NFIA: variants seen among roughly 807,000 people sequenced by gnomAD.
NFIA encodes the protein nuclear factor 1 A-type.
Under a neutral mutation model 62.8 loss-of-function variants are expected in NFIA, and 8 were observed. The observed-to-expected ratio is 0.13, with a 90% CI of 0.07 to 0.23. The LOEUF (loss-of-function observed/expected upper bound fraction) is 0.23, where lower values mean the gene tolerates loss of function less well. Ranked by LOEUF, NFIA falls within the 10% of genes least tolerant of loss-of-function variation. The pLI is 1.00. For synonymous variants in NFIA, 235 were observed against 238.1 expected, an observed-to-expected ratio of 0.99 and a Z score of 0.12; for missense variants, 410 against 642.1, an observed-to-expected ratio of 0.64 and a Z score of 3.91.
At chr1:61,332,742 T>TTTAAATCAGGAAAAA (rs1661363510) in intron 4 of NFIA, among the ~76,000 whole-genome samples, 156 bp downstream of exon 4, 2 of 152,176 alleles carry the variant, frequency 1.3e-5, no homozygotes, top group African/African-American at 4.8e-5. Context: ...CAACCAAGAA[T>TTTAAATCAGGAAAAA]TTAAATCAGG....
chr1:61,352,408 C>G (rs768974631), intron 4 of NFIA, 42 bp from the exon 5 acceptor site: 8 of 1,384,434 alleles, frequency 5.8e-6, no homozygotes, highest in Non-Finnish European at 8.2e-6. Flanking sequence ...ATTTTTTTAT[C>G]CACAGAATTT....
chr1:61,313,979 T>C (rs917928443), intron 3 of NFIA, among the ~76,000 whole-genome samples: 4 of 152,246 alleles, frequency 2.6e-5, no homozygotes, highest in Non-Finnish European at 5.9e-5. Flanking sequence ...CATAACACTT[T>C]GAAAATTACA....
intron 2 of NFIA, among the ~76,000 whole-genome samples, chr1:61,168,977 A>G (rs902697846): frequency 2.0e-5 from 3 of 152,208 alleles, no homozygotes; most frequent in Non-Finnish European, 4.4e-5. Context: ...GCTATATAAA[A>G]CAAAGAACAA....
At chr1:61,125,567 G>A (rs979489692) in intron 2 of NFIA, among the ~76,000 whole-genome samples, 3 of 152,176 alleles carry the variant, frequency 2.0e-5, no homozygotes, top group African/African-American at 7.2e-5. Context: ...ATAGGGACTC[G>A]TGTGTGGGGA....
At chr1:61,184,108 G>C (rs1296765282) in intron 2 of NFIA, among the ~76,000 whole-genome samples, 2 of 144,264 alleles carry the variant, frequency 1.4e-5, no homozygotes, top group Non-Finnish European at 3.0e-5. Flanking sequence ...AAGGTTTATG[G>C]GGGGGGGAAA....
intron 2 of NFIA, among the ~76,000 whole-genome samples, chr1:61,190,906 TGAG>T (rs1651568556): frequency 6.6e-6 from 1 of 152,192 alleles, no homozygotes; most frequent in South Asian, 2.1e-4. Context: ...GTTTTTAAAT[TGAG>T]GTTTGTAGTT....
intron 2 of NFIA, among the ~76,000 whole-genome samples, chr1:61,197,628 G>A (rs1456097191): frequency 1.3e-5 from 2 of 152,032 alleles, no homozygotes; most frequent in African/African-American, 4.8e-5. Context: ...AATATTGCAT[G>A]GTTTGGCTAA....
intron 2 of NFIA, among the ~76,000 whole-genome samples, chr1:61,243,388 T>G (rs1174659082): frequency 6.6e-6 from 1 of 152,206 alleles, no homozygotes; most frequent in Non-Finnish European, 1.5e-5. Flanking sequence ...TTCTTGCCAA[T>G]TCTTACATAT....
chr1:61,257,907 G>C (rs925800237), intron 2 of NFIA, among the ~76,000 whole-genome samples: 2 of 136,410 alleles, frequency 1.5e-5, no homozygotes, highest in African/African-American at 5.5e-5. Flanking sequence ...TCCTGAGACA[G>C]GGTTTTGCTA....
At chr1:61,127,237 C>T (rs957715701) in intron 2 of NFIA, among the ~76,000 whole-genome samples, 2 of 151,004 alleles carry the variant, frequency 1.3e-5, no homozygotes, top group African/African-American at 4.9e-5. Context: ...GTGGATGGAT[C>T]GCGAGGTCAG....
Position 61,379,409 on chromosome 1 carries a change from T to TC in NFIA, c.947-3828_947-3827insC, listed in dbSNP as rs199958558. ...AGCTAACTTTTTCTTTTTCTTTTTT[T>TC]TTTTTTTTTTTTTTTTTGAGATGGA... On this transcript the variant is annotated intron_variant, in intron 6 of 10. Transcript: ENST00000403491. Among the ~76,000 whole-genome samples, 34 of 140,408 alleles carry TC rather than the reference T, an allele frequency of 2.4e-4. 1 individual carries two copies. Among genetic ancestry groups the TC allele is most frequent in the African/African-American group, 4.9e-4 (18 of 36,882 alleles). 92.1% of individuals were successfully genotyped at this position (140,408 alleles called of 152,430 possible).
At chr1:61,377,784 C>T (rs924147158) in intron 6 of NFIA, among the ~76,000 whole-genome samples, 1 of 152,178 alleles carries the variant, frequency 6.6e-6, no homozygotes, top group African/African-American at 2.4e-5. Context: ...GTCCTGCTGT[C>T]CCGAGCAGCA....
chr1:61,203,966 G>GCA lies in NFIA; in HGVS notation c.560-73554_560-73553insCA, dbSNP rs1351587450. On this transcript the variant is annotated intron_variant, in intron 2 of 10. Transcript: ENST00000403491. ...TATTTCAGGGCAGATATTTAGGTGT[G>GCA]TGTATGAGCTGTAGTTGGTGAATAC... 4.3e-3 allele frequency among the ~76,000 whole-genome samples: 658 copies of GCA among 152,302 alleles called. 5 individuals are homozygous for GCA. Among genetic ancestry groups the GCA allele is most frequent in the Admixed American group, 0.02 (304 of 15,290 alleles).
chr1:61,155,354 G>A (rs1057018883), intron 2 of NFIA, among the ~76,000 whole-genome samples: 4 of 152,048 alleles, frequency 2.6e-5, no homozygotes, highest in East Asian at 1.9e-4. Context: ...CAGTTTTTTC[G>A]AGAAACAAAT....
At chr1:61,151,807 A>G (rs1207714288) in intron 2 of NFIA, among the ~76,000 whole-genome samples, 1 of 152,160 alleles carries the variant, frequency 6.6e-6, no homozygotes, top group Non-Finnish European at 1.5e-5. Flanking sequence ...GTGATGAGTT[A>G]GACCACCCAG....
At chr1:61,242,111 T>A (rs1230438912) in intron 2 of NFIA, among the ~76,000 whole-genome samples, 2 of 152,190 alleles carry the variant, frequency 1.3e-5, no homozygotes, top group Non-Finnish European at 2.9e-5. Context: ...TTGTGGTACT[T>A]AGCAGATTGA....
intron 9 of NFIA, among the ~76,000 whole-genome samples, chr1:61,426,254 T>G (rs1666861916): frequency 1.3e-5 from 2 of 152,198 alleles, no homozygotes. Flanking sequence ...TTTGACATCA[T>G]TTTATCCCAA....
At chr1:61,350,385 C>T (rs1662482588) in intron 4 of NFIA, among the ~76,000 whole-genome samples, 1 of 151,978 alleles carries the variant, frequency 6.6e-6, no homozygotes, top group East Asian at 1.9e-4. Context: ...AATCCCAGTG[C>T]TTTGGGAGGC....
At chr1:61,373,678 G>T (rs911247119) in intron 6 of NFIA, among the ~76,000 whole-genome samples, 1 of 152,082 alleles carries the variant, frequency 6.6e-6, no homozygotes, top group African/African-American at 2.4e-5. Flanking sequence ...ATTCATAAGG[G>T]TGTTAACCAA....
Sources: allele counts gnomAD v4.1 joint callset (sites outside exome capture counted in the v4.1 genomes callset), GRCh38; gene constraint gnomAD v4.1.1; transcripts MANE v1.5; gene names NCBI Gene and HGNC (gene_info 2026-07-23, HGNC 2026-07-21).